Variants in ZMAT4 observed in about 807,000 individuals in gnomAD.
The protein encoded by ZMAT4 is zinc finger matrin-type 4.
Under a neutral mutation model 28.7 loss-of-function variants are expected in ZMAT4, and 17 were observed. That is an observed-to-expected ratio of 0.59 (90% CI 0.41 to 0.89). ZMAT4 has a LOEUF of 0.89. ZMAT4 is among the 40% of genes least tolerant of loss of function. The pLI is 0.00. For missense variants in ZMAT4, 240 were observed against 283.8 expected (o/e 0.85, Z 1.11); for synonymous variants, 117 against 109.2 (o/e 1.07, Z -0.44).
At chr8:40,747,270 C>A (rs190816342) in intron 3 of ZMAT4, among the ~76,000 whole-genome samples, 311 of 152,264 alleles carry the variant, frequency 2.0e-3, no homozygotes, top group African/African-American at 6.9e-3. Flanking sequence ...TAGAAAGGAA[C>A]AATTGATCAT....
chr8:40,688,243 G>A (rs1248073460), intron 4 of ZMAT4, among the ~76,000 whole-genome samples: 3 of 152,084 alleles, frequency 2.0e-5, no homozygotes, highest in Admixed American at 1.3e-4. Flanking sequence ...GGATCACAAG[G>A]TCAGGAGTTC....
At chr8:40,733,201 G>A (rs553886389) in intron 3 of ZMAT4, among the ~76,000 whole-genome samples, 2 of 152,090 alleles carry the variant, frequency 1.3e-5, no homozygotes, top group Non-Finnish European at 2.9e-5. Context: ...TTTTTTAAGA[G>A]CCCTGAATTC....
At chr8:40,884,504 G>A (rs1818388823) in intron 1 of ZMAT4, 1 of 150,414 alleles carries the variant, frequency 6.6e-6, no homozygotes, top group Non-Finnish European at 1.5e-5. Flanking sequence ...GCCTCTCCTT[G>A]AACTCACTCC....
intron 1 of ZMAT4, among the ~76,000 whole-genome samples, chr8:40,833,005 A>G (rs1291071030): frequency 6.6e-6 from 1 of 152,114 alleles, no homozygotes; most frequent in African/African-American, 2.4e-5. Context: ...TTCCCCTGCC[A>G]CTGTCCTTCT....
intron 4 of ZMAT4, among the ~76,000 whole-genome samples, chr8:40,682,100 G>A (rs1358083075): frequency 1.3e-5 from 2 of 152,106 alleles, no homozygotes; most frequent in African/African-American, 4.8e-5. Context: ...AGTAATAGGT[G>A]TTTCTGAGTT....
intron 3 of ZMAT4, among the ~76,000 whole-genome samples, chr8:40,764,649 A>G (rs73613441): frequency 0.011 from 1,613 of 152,248 alleles, 29 homozygotes; most frequent in African/African-American, 0.036. Flanking sequence ...GGGAGCACAG[A>G]ATCTGAGTAG....
intron 1 of ZMAT4, among the ~76,000 whole-genome samples, chr8:40,874,692 A>G (rs1563259200): frequency 1.3e-5 from 2 of 152,232 alleles, no homozygotes; most frequent in Non-Finnish European, 2.9e-5. Flanking sequence ...AGCACAATTT[A>G]TTGATGGTTA....
intron 3 of ZMAT4, among the ~76,000 whole-genome samples, chr8:40,765,720 G>A (rs1209369348): frequency 6.6e-6 from 1 of 152,194 alleles, no homozygotes; most frequent in Non-Finnish European, 1.5e-5. Context: ...AGAGTGGCAA[G>A]GACCATCTTG....
At chr8:40,580,321 T>C (rs4737148) in intron 6 of ZMAT4, among the ~76,000 whole-genome samples, 14,960 of 152,110 alleles carry the variant, frequency 0.098, 1,245 homozygotes, top group East Asian at 0.49. Flanking sequence ...CTATTCATCT[T>C]TTCTTCCCTA....
chr8:40,786,699 T>A (rs1814101609), intron 2 of ZMAT4: 2 of 1,288,870 alleles, frequency 1.6e-6, no homozygotes, highest in South Asian at 1.2e-5. Context: ...GGGTCAGAAT[T>A]CACACAGCCA....
chr8:40,696,430 A>G (rs1400362498), intron 4 of ZMAT4, among the ~76,000 whole-genome samples: 2 of 152,210 alleles, frequency 1.3e-5, no homozygotes, highest in Non-Finnish European at 2.9e-5. Context: ...AATCGCATGG[A>G]AAGAGTAGGC....
At chr8:40,840,530 C>T (rs1442261543) in intron 1 of ZMAT4, among the ~76,000 whole-genome samples, 1 of 152,178 alleles carries the variant, frequency 6.6e-6, no homozygotes, top group African/African-American at 2.4e-5. Context: ...CACTCACCTC[C>T]CCATGAAGCA....
intron 5 of ZMAT4, among the ~76,000 whole-genome samples, chr8:40,670,195 A>G (rs1346096443): frequency 6.6e-6 from 1 of 152,220 alleles, no homozygotes; most frequent in Non-Finnish European, 1.5e-5. Context: ...GTATAAAGAC[A>G]AAGAGATCCA....
At chr8:40,595,340 A>G (rs924883101) in intron 5 of ZMAT4, among the ~76,000 whole-genome samples, 1 of 152,202 alleles carries the variant, frequency 6.6e-6, no homozygotes, top group African/African-American at 2.4e-5. Context: ...ATACACGTGT[A>G]TAAATGTATA....
intron 5 of ZMAT4, among the ~76,000 whole-genome samples, chr8:40,598,581 T>A (rs1368683856): frequency 6.6e-6 from 1 of 152,214 alleles, no homozygotes; most frequent in Non-Finnish European, 1.5e-5. Flanking sequence ...CCATGGTGTA[T>A]GTGTGCCATA....
At chr8:40,722,737 G>A (rs187134472) in intron 3 of ZMAT4, among the ~76,000 whole-genome samples, 52 of 152,250 alleles carry the variant, frequency 3.4e-4, no homozygotes, top group African/African-American at 9.1e-4. Context: ...AGGAACCTGC[G>A]GGGATTGTAG....
At chr8:40,747,554 T>C (rs905292522) in intron 3 of ZMAT4, among the ~76,000 whole-genome samples, 2 of 151,698 alleles carry the variant, frequency 1.3e-5, no homozygotes, top group African/African-American at 4.8e-5. Flanking sequence ...TCAGCCATGA[T>C]AGCAGAAAAC....
At position 40,674,942 on chromosome 8, in the gene ZMAT4, AAAC is replaced by A. The variant is rs754140042; in HGVS notation, c.350-14_350-12del. 6.2e-7 allele frequency: 1 copy of A among 1,607,834 alleles called. No individual in the cohort carries two copies. Among genetic ancestry groups the A allele is most frequent in the East Asian group, 2.2e-5 (1 of 44,794 alleles). ...GGCTCAGGGGTGTTGCTGTGAAAGG[AAAC>A]AACCAGAGAACCACAGCCACGTTAG... On this transcript the variant is annotated splice_polypyrimidine_tract_variant and intron_variant, in intron 4 of 6. Transcript: ENST00000297737.
At chr8:40,654,944 C>A (rs1371703438) in intron 5 of ZMAT4, among the ~76,000 whole-genome samples, 1 of 151,928 alleles carries the variant, frequency 6.6e-6, no homozygotes, top group Non-Finnish European at 1.5e-5. Flanking sequence ...GAGGCTCTGG[C>A]CAGTACCGTT....
Sources: gnomAD v4.1 joint callset for allele counts (sites outside exome capture counted in the v4.1 genomes callset) on GRCh38, gnomAD v4.1.1 for gene constraint, MANE v1.5 for transcripts, NCBI Gene and HGNC (gene_info 2026-07-23, HGNC 2026-07-21) for gene names.